ARHGAP18: variants seen among roughly 807,000 people sequenced by gnomAD.
The protein encoded by ARHGAP18 is Rho GTPase activating protein 18.
A neutral mutation model predicts 86.2 loss-of-function variants in ARHGAP18; 67 were observed. The ratio of observed to expected loss-of-function variants is 0.78; its 90% confidence interval spans 0.64 to 0.95. The LOEUF is 0.95. Among genes scored for constraint, ARHGAP18 ranks in the 40% least tolerant of loss-of-function variants. ARHGAP18 has a pLI of 0.00. For synonymous variants in ARHGAP18, 283 were observed against 280.4 expected, an observed-to-expected ratio of 1.01 and a Z score of -0.09; for missense variants, 691 against 780.4, an observed-to-expected ratio of 0.89 and a Z score of 1.37.
intron 5 of ARHGAP18, among the ~76,000 whole-genome samples, chr6:129,619,714 C>T (rs1275388360): frequency 1.3e-5 from 2 of 150,226 alleles, no homozygotes; most frequent in Non-Finnish European, 3.0e-5. Flanking sequence ...GAATACTAGC[C>T]ATGAGTGTAT....
chr6:129,599,518 A>G (rs959327010), intron 11 of ARHGAP18, among the ~76,000 whole-genome samples, 162 bp from the exon 12 acceptor site: 8 of 152,314 alleles, frequency 5.3e-5, no homozygotes, highest in African/African-American at 1.9e-4. Context: ...TGTGAAAAGA[A>G]AATACTTCAT....
intron 1 of ARHGAP18, among the ~76,000 whole-genome samples, chr6:129,647,433 T>C (rs906773763): frequency 1.3e-5 from 2 of 152,216 alleles, no homozygotes; most frequent in African/African-American, 4.8e-5. Flanking sequence ...CTCCTGCTTC[T>C]GACCCTTCGA....
intron 1 of ARHGAP18, among the ~76,000 whole-genome samples, chr6:129,686,978 C>CTTTTTTTTTTTTTTTTTTTTTTTT (rs71028176): frequency 2.8e-5 from 3 of 106,940 alleles, no homozygotes; most frequent in African/African-American, 6.9e-5. Flanking sequence ...TTTTTTTTTT[C>CTTTTTTTTTTTTTTTTTTTTTTTT]TTTTTTTTTT....
intron 1 of ARHGAP18, among the ~76,000 whole-genome samples, chr6:129,709,723 C>T (rs184910535): frequency 7.9e-4 from 120 of 152,328 alleles, no homozygotes; most frequent in African/African-American, 2.7e-3. Flanking sequence ...TTCAGATAGA[C>T]CTATTTGATC....
rs537997432 is a variant in ARHGAP18 at position 129,598,161 on chromosome 6, CA to C, written c.1713+1054del. 4.2e-3 allele frequency among the ~76,000 whole-genome samples: 616 copies of C among 147,988 alleles called. 2 individuals are homozygous for C. The highest frequency in any genetic ancestry group is 0.014 in the African/African-American group (551 of 40,426). On this transcript the variant is annotated intron_variant, in intron 12 of 14. Transcript: ENST00000368149. Reference sequence around the variant, plus strand: ...GAACATTCTAAAGTTAACCAAATGCCAAAAAAAAAGGCTTTCTAAAAGCCTT... The same window carrying C: ...GAACATTCTAAAGTTAACCAAATGCCAAAAAAAAGGCTTTCTAAAAGCCTT...
At chr6:129,598,941 GGT>G (rs71028166) in intron 12 of ARHGAP18, 4,721 of 207,738 alleles carry the variant, frequency 0.023, no homozygotes, top group Middle Eastern at 0.04. Flanking sequence ...GGGGTGTAGG[GGT>G]GTGTGTGTGT....
At position 129,608,487 on chromosome 6, in the gene ARHGAP18, T is replaced by C. The variant is rs905712259; in HGVS notation, c.1123-435A>G. Among the ~76,000 whole-genome samples the C allele has an allele frequency of 3.9e-5, 6 of 152,324 alleles. 1 individual carries two copies. The highest frequency in any genetic ancestry group is 2.6e-4 in the Admixed American group (4 of 15,300). ...CATAAAAAAATACATAATCAGTCTC[T>C]GGGACTAAAACAGAAGGCTACCTCT... On this transcript the variant is annotated intron_variant, in intron 8 of 14. Transcript: ENST00000368149.
Position 129,582,633 on chromosome 6 carries a change from C to G in ARHGAP18, c.1838+1355G>C, listed in dbSNP as rs76031060. Among the ~76,000 whole-genome samples, 951 of 152,302 alleles carry G rather than the reference C, an allele frequency of 6.2e-3. 10 individuals are homozygous for G. Among genetic ancestry groups the G allele is most frequent in the African/African-American group, 0.022 (901 of 41,566 alleles). On this transcript the variant is annotated intron_variant, in intron 13 of 14. Coordinates refer to ENST00000368149, the MANE Select transcript of ARHGAP18 (RefSeq NM_033515.3). ...ACATCTGAGATCTTCCAAGTGCCCT[C>G]AGGACATAATCTCCAAAAACACATC...
intron 5 of ARHGAP18, among the ~76,000 whole-genome samples, chr6:129,625,099 ATATAT>A (rs1789332790): frequency 2.5e-5 from 2 of 80,580 alleles, no homozygotes; most frequent in Middle Eastern, 7.8e-3. Flanking sequence ...GATATATGAT[ATATAT>A]TATATATTAT....
At position 129,652,790 on chromosome 6, in the gene ARHGAP18, G is replaced by C. The variant is rs182209685; in HGVS notation, c.114-10772C>G. On this transcript the variant is annotated intron_variant, in intron 1 of 14. Coordinates refer to ENST00000368149, the MANE Select transcript of ARHGAP18 (RefSeq NM_033515.3). ...ATATCCCTTCAGTTCATAAAAAGTT[G>C]CTATTGATTCATAATACCTGTCATG... 3.1e-3 allele frequency among the ~76,000 whole-genome samples: 465 copies of C among 152,246 alleles called. 2 individuals are homozygous for C. Among genetic ancestry groups the C allele is most frequent in the Middle Eastern group, 0.014 (4 of 294 alleles).
At chr6:129,644,691 G>T (rs553383429) in intron 1 of ARHGAP18, among the ~76,000 whole-genome samples, 67 of 152,300 alleles carry the variant, frequency 4.4e-4, no homozygotes, top group African/African-American at 1.6e-3. Flanking sequence ...AAGGGAAAAA[G>T]GTGCAGTTGA....
chr6:129,701,243 T>C (rs1345401057), intron 1 of ARHGAP18, among the ~76,000 whole-genome samples: 1 of 152,190 alleles, frequency 6.6e-6, no homozygotes, highest in Non-Finnish European at 1.5e-5. Context: ...TGATTAACTT[T>C]GCGAAGCAGG....
In ARHGAP18 at chr6:129,604,234, C is replaced by T. The variant is rs182404287; in HGVS notation, c.1365+1643G>A. ...CCCCTTAATTATAAAATTATCTTTC[C>T]GATAGCCTCATACACAAAATGTAAG... On this transcript the variant is annotated intron_variant, in intron 10 of 14. Coordinates refer to ENST00000368149, the MANE Select transcript of ARHGAP18 (RefSeq NM_033515.3). Among the ~76,000 whole-genome samples the T allele has an allele frequency of 7.0e-3, 1,048 of 149,426 alleles. 7 individuals carry two copies. Among genetic ancestry groups the T allele is most frequent in the South Asian group, 0.013 (56 of 4,420 alleles).
intron 4 of ARHGAP18, among the ~76,000 whole-genome samples, chr6:129,632,960 T>C (rs1562702331): frequency 6.6e-6 from 1 of 152,176 alleles, no homozygotes. Flanking sequence ...AACACTCCAG[T>C]TGCTAAATTT....
At chr6:129,622,838 T>C (rs951784800) in intron 5 of ARHGAP18, among the ~76,000 whole-genome samples, 4 of 151,594 alleles carry the variant, frequency 2.6e-5, no homozygotes, top group African/African-American at 4.8e-5. Flanking sequence ...CCATCTCTAC[T>C]AAAAATACAA....
intron 1 of ARHGAP18, among the ~76,000 whole-genome samples, chr6:129,709,626 G>A (rs1774868050): frequency 6.6e-6 from 1 of 152,236 alleles, no homozygotes; most frequent in Non-Finnish European, 1.5e-5. Context: ...CAGCCTCCCT[G>A]CTTTTTGGCA....
At chr6:129,629,844 T>C (rs183440343) in intron 4 of ARHGAP18, among the ~76,000 whole-genome samples, 1 of 152,312 alleles carries the variant, frequency 6.6e-6, no homozygotes, top group East Asian at 1.9e-4. Flanking sequence ...GGTTTTGAAG[T>C]ATTAATTGTT....
intron 1 of ARHGAP18, among the ~76,000 whole-genome samples, chr6:129,663,451 C>A (rs537764402): frequency 6.6e-6 from 1 of 152,160 alleles, no homozygotes; most frequent in Admixed American, 6.5e-5. Flanking sequence ...CTGTTTCCTA[C>A]GCCCCAATAA....
intron 1 of ARHGAP18, among the ~76,000 whole-genome samples, chr6:129,647,203 A>C (rs550750769): frequency 1.3e-5 from 2 of 152,300 alleles, no homozygotes; most frequent in East Asian, 3.9e-4. Context: ...TGTAAGGGGC[A>C]GAAGTTCTCT....
Sources: gnomAD v4.1 joint callset for allele counts (sites outside exome capture counted in the v4.1 genomes callset) on GRCh38, gnomAD v4.1.1 for gene constraint, MANE v1.5 for transcripts, NCBI Gene and HGNC (gene_info 2026-07-23, HGNC 2026-07-21) for gene names.